The following MYO3B variants were observed in gnomAD, a reference collection of about 807,000 sequenced individuals.
The protein encoded by MYO3B is myosin IIIB.
Under a neutral mutation model 174.6 loss-of-function variants are expected in MYO3B, and 156 were observed. The ratio of observed to expected loss-of-function variants is 0.89; its 90% confidence interval spans 0.78 to 1.02. The LOEUF is 1.02. Ranked by LOEUF, MYO3B falls within the 50% of genes least tolerant of loss-of-function variation. The pLI, the probability that MYO3B is intolerant of heterozygous loss-of-function variation, is 0.00. For missense variants in MYO3B, 1,632 were observed against 1,639.4 expected (o/e 1.00, Z 0.08); for synonymous variants, 563 against 569.1 (o/e 0.99, Z 0.15).
At chr2:170,340,945 G>A (rs550134128) in intron 8 of MYO3B, among the ~76,000 whole-genome samples, 1 of 152,136 alleles carries the variant, frequency 6.6e-6, no homozygotes, top group East Asian at 1.9e-4. Flanking sequence ...CTCATTTCTC[G>A]GAGTGAGCAT....
chr2:170,618,360 G>A (rs1422369931), intron 32 of MYO3B, among the ~76,000 whole-genome samples: 1 of 152,208 alleles, frequency 6.6e-6, no homozygotes, highest in Non-Finnish European at 1.5e-5. Context: ...GGAGGAGGCA[G>A]AGGTTGAGCC....
chr2:170,646,376 T>C (rs868317900), intron 32 of MYO3B, among the ~76,000 whole-genome samples: 7 of 151,988 alleles, frequency 4.6e-5, no homozygotes, highest in South Asian at 4.1e-4. Context: ...AGTTGCTTAG[T>C]TCTGGGGGTT....
In MYO3B at chr2:170,402,314, GATA is replaced by G. The variant is rs764324796; in HGVS notation, c.2130-527_2130-525del. On this transcript the variant is annotated intron_variant, in intron 18 of 34. Coordinates refer to ENST00000408978, the MANE Select transcript of MYO3B (RefSeq NM_138995.5). ...TCAGTTTTCTCACCTGTAAAATGAG[GATA>G]ATAATATCCTCTTCATAGTTTTGTT... 7.8e-4 allele frequency among the ~76,000 whole-genome samples: 119 copies of G among 152,288 alleles called. 1 individual carries two copies. Among genetic ancestry groups the G allele is most frequent in the Admixed American group, 1.8e-3 (28 of 15,300 alleles).
chr2:170,626,507 T>C (rs923605209), intron 32 of MYO3B, among the ~76,000 whole-genome samples: 1 of 152,222 alleles, frequency 6.6e-6, no homozygotes, highest in African/African-American at 2.4e-5. Context: ...TTTCATCCAA[T>C]TTGCCAGTCT....
chr2:170,435,767 C>T (rs1230246755), intron 22 of MYO3B, among the ~76,000 whole-genome samples: 1 of 152,182 alleles, frequency 6.6e-6, no homozygotes, highest in African/African-American at 2.4e-5. Context: ...AAATTAAAAT[C>T]GGAAAATTTC....
At chr2:170,380,187 A>T (rs2094324992) in intron 9 of MYO3B, among the ~76,000 whole-genome samples, 1 of 152,222 alleles carries the variant, frequency 6.6e-6, no homozygotes, top group Admixed American at 6.5e-5. Flanking sequence ...GACAGAGAAG[A>T]ATCAAGAAGT....
At chr2:170,401,720 A>C in intron 18 of MYO3B, 29 bp downstream of exon 18, 2 of 1,599,576 alleles carry the variant, frequency 1.3e-6, no homozygotes, top group Non-Finnish European at 1.7e-6. Flanking sequence ...AGAGGGTCTC[A>C]GGAGAGCTGT....
Position 170,584,534 on chromosome 2 carries a change from A to T in MYO3B, c.3733+40546A>T, listed in dbSNP as rs182855199. Among the ~76,000 whole-genome samples the T allele has an allele frequency of 2.9e-4, 44 of 152,336 alleles. No homozygotes were observed. In the East Asian group the frequency reaches 6.0e-3, roughly 21 times the overall value. ...CCTTTAAGAAAATACAGTTCTCTTC[A>T]ACTATCTTTGCTGTTCATGTTTTTT... is the stretch of plus-strand genomic sequence containing the variant. On this transcript the variant is annotated intron_variant, in intron 32 of 34. Transcript: ENST00000408978.
chr2:170,528,356 G>T (rs780385760), intron 30 of MYO3B, among the ~76,000 whole-genome samples: 10 of 152,156 alleles, frequency 6.6e-5, no homozygotes, highest in Non-Finnish European at 1.3e-4. Flanking sequence ...TGTTTGACTT[G>T]GGTTTTCTTA....
At chr2:170,304,434 T>C (rs1161642212) in intron 7 of MYO3B, among the ~76,000 whole-genome samples, 3 of 151,800 alleles carry the variant, frequency 2.0e-5, no homozygotes, top group African/African-American at 7.2e-5. Flanking sequence ...TGTTGCTCAT[T>C]TTTTCACTTT....
At chr2:170,470,102 CAAAAA>C (rs34472083) in intron 25 of MYO3B, among the ~76,000 whole-genome samples, 1 of 46,366 alleles carries the variant, frequency 2.2e-5, no homozygotes, top group Non-Finnish European at 3.9e-5. Context: ...AACTCCGTCT[CAAAAA>C]AAAAAAAAAA....
At chr2:170,605,907 G>A (rs908300888) in intron 32 of MYO3B, among the ~76,000 whole-genome samples, 2 of 152,102 alleles carry the variant, frequency 1.3e-5, no homozygotes, top group African/African-American at 4.8e-5. Context: ...CAAGCCAGAA[G>A]TCTGGAAGCC....
At chr2:170,631,244 G>A (rs1187577898) in intron 32 of MYO3B, among the ~76,000 whole-genome samples, 2 of 152,266 alleles carry the variant, frequency 1.3e-5, no homozygotes, top group South Asian at 2.1e-4. Flanking sequence ...AGAGAACTAC[G>A]TGATGAATGC....
chr2:170,490,154 G>A (rs1186252308), intron 25 of MYO3B, among the ~76,000 whole-genome samples: 9 of 150,572 alleles, frequency 6.0e-5, no homozygotes, highest in Admixed American at 4.6e-4. Flanking sequence ...TCAGCCTCCC[G>A]AGTAGCTGGG....
At chr2:170,621,497 A>ATGTTTTTT (rs752464983) in intron 32 of MYO3B, among the ~76,000 whole-genome samples, 5 of 148,952 alleles carry the variant, frequency 3.4e-5, no homozygotes, top group Non-Finnish European at 7.4e-5. Flanking sequence ...CCAACTGGAA[A>ATGTTTTTT]TGTTTTTTTG....
intron 32 of MYO3B, among the ~76,000 whole-genome samples, chr2:170,566,253 T>G (rs1692070591): frequency 6.6e-6 from 1 of 152,194 alleles, no homozygotes; most frequent in South Asian, 2.1e-4. Flanking sequence ...CTTAACTGTT[T>G]ATGTTACAAA....
intron 30 of MYO3B, among the ~76,000 whole-genome samples, chr2:170,528,489 T>C (rs143095834): frequency 0.013 from 1,949 of 152,318 alleles, 41 homozygotes; most frequent in African/African-American, 0.044. Flanking sequence ...CACTGCAACC[T>C]CTGCCTCCCG....
In MYO3B at chr2:170,653,214, A is replaced by G. The variant is rs146595558; in HGVS notation, c.*93A>G. The stretch of plus-strand genomic sequence containing the variant: ...CGTAAGAAAGCACTGATATGGGGTC[A>G]GCTTCTTTGGACATATGGTCCATGC... On this transcript the variant is annotated 3_prime_UTR_variant, in exon 35 of 35. Coordinates refer to ENST00000408978, the MANE Select transcript of MYO3B (RefSeq NM_138995.5). 2.5e-5 allele frequency: 38 copies of G among 1,499,998 alleles called. No individual in the cohort carries two copies. The highest frequency in any genetic ancestry group is 1.7e-4 in the Middle Eastern group (1 of 5,754). The allele number at this position is 1,499,998 out of a possible 1,614,324, so 92.9% of individuals were successfully genotyped here.
At chr2:170,298,693 A>AT (rs2093644822) in intron 7 of MYO3B, among the ~76,000 whole-genome samples, 1 of 151,564 alleles carries the variant, frequency 6.6e-6, no homozygotes, top group South Asian at 2.1e-4. Context: ...AAAAAAAAAA[A>AT]AAAAGAATTT....
Sources: gnomAD v4.1 joint callset for allele counts (sites outside exome capture counted in the v4.1 genomes callset) on GRCh38, gnomAD v4.1.1 for gene constraint, MANE v1.5 for transcripts, NCBI Gene and HGNC (gene_info 2026-07-23, HGNC 2026-07-21) for gene names.